Variants in ASTN2 observed in about 807,000 individuals in gnomAD.
ASTN2 encodes astrotactin-2.
A neutral mutation model predicts 139.8 loss-of-function variants in ASTN2; 54 were observed. The ratio of observed to expected loss-of-function variants is 0.39; its 90% CI spans 0.31 to 0.48. The LOEUF is 0.48. ASTN2 is among the 20% of genes least tolerant of loss of function. The pLI is 0.95. For missense variants in ASTN2, 1,565 were observed against 1,725.1 expected (o/e 0.91, Z 1.64); for synonymous variants, 756 against 719.5 (o/e 1.05, Z -0.81).
At chr9:117,238,860 T>A (rs1833124222) in intron 2 of ASTN2, among the ~76,000 whole-genome samples, 1 of 152,186 alleles carries the variant, frequency 6.6e-6, no homozygotes, top group African/African-American at 2.4e-5. Context: ...AGTTGCAAGG[T>A]ATCACCCTGC....
chr9:116,609,520 T>C lies in ASTN2; in HGVS notation c.3355+8804A>G, dbSNP rs181367567. ...AAAAATCTGTCAATTTAAAATTTCA[T>C]GCACAGCAATAATATCTTACAAAAA... On this transcript the variant is annotated intron_variant, in intron 19 of 22. Coordinates refer to ENST00000313400, the MANE Select transcript of ASTN2 (RefSeq NM_001365068.1). 6.0e-3 allele frequency among the ~76,000 whole-genome samples: 911 copies of C among 151,488 alleles called. 14 individuals carry two copies. Among genetic ancestry groups the C allele is most frequent in the African/African-American group, 0.021 (881 of 41,384 alleles).
intron 11 of ASTN2, among the ~76,000 whole-genome samples, chr9:116,862,539 T>A (rs902847216): frequency 6.6e-6 from 1 of 152,196 alleles, no homozygotes; most frequent in Non-Finnish European, 1.5e-5. Context: ...TTCACTTGTT[T>A]GCTTCATAGA....
rs1831266564 is a variant in ASTN2 at position 117,414,444 on chromosome 9, C to T, written c.442+53G>A. ...GGGCGCCCCCACCCGTCCGGCATGA[C>T]GCAGGGGCTCGGGGTTCCTTGGGAT... is the stretch of plus-strand genomic sequence containing the variant. On this transcript the variant is annotated intron_variant, in intron 1 of 22. Transcript: ENST00000313400. The surrounding 1 kb of genome is among the most constrained non-coding windows in gnomAD (Gnocchi z 4.2). 6.3e-7 allele frequency: 1 copy of T among 1,597,718 alleles called. No homozygotes were observed. Among genetic ancestry groups the T allele is most frequent in the Non-Finnish European group, 8.5e-7 (1 of 1,172,408 alleles).
chr9:116,563,382 T>C (rs923146159), intron 19 of ASTN2, among the ~76,000 whole-genome samples: 9 of 147,624 alleles, frequency 6.1e-5, no homozygotes, highest in Admixed American at 1.3e-4. Context: ...CTCAAAAAAA[T>C]AAAAATAAAA....
At chr9:116,920,083 T>C (rs1419418844) in intron 10 of ASTN2, among the ~76,000 whole-genome samples, 8 of 152,218 alleles carry the variant, frequency 5.3e-5, no homozygotes, top group Admixed American at 1.3e-4. Context: ...GCTGCCTCCT[T>C]GGTATTCTGT....
intron 10 of ASTN2, among the ~76,000 whole-genome samples, chr9:116,933,530 T>G (rs187650024): frequency 3.9e-5 from 6 of 152,038 alleles, no homozygotes; most frequent in African/African-American, 1.4e-4. Flanking sequence ...GGAATTAAAC[T>G]ACAGCATTCA....
intron 11 of ASTN2, among the ~76,000 whole-genome samples, chr9:116,826,900 A>C (rs1831644346): frequency 6.6e-6 from 1 of 152,258 alleles, no homozygotes; most frequent in Non-Finnish European, 1.5e-5. Context: ...ATGAAAACAC[A>C]GTATCTCAAC....
intron 16 of ASTN2, among the ~76,000 whole-genome samples, chr9:116,666,177 T>C (rs1056166064): frequency 2.0e-5 from 3 of 152,186 alleles, no homozygotes; most frequent in African/African-American, 7.2e-5. Context: ...TGATAGGTAC[T>C]GAACTTACTG....
At chr9:117,385,870 C>T (rs1195837266) in intron 1 of ASTN2, among the ~76,000 whole-genome samples, 2 of 152,154 alleles carry the variant, frequency 1.3e-5, no homozygotes, top group Non-Finnish European at 2.9e-5. Context: ...AGTTATATTT[C>T]ATGATCAAAA....
At chr9:116,540,051 G>T (rs1341175280) in intron 19 of ASTN2, among the ~76,000 whole-genome samples, 1 of 152,174 alleles carries the variant, frequency 6.6e-6, no homozygotes, top group Non-Finnish European at 1.5e-5. Context: ...ATCTTGATGT[G>T]ATAAAATATA....
At chr9:116,755,418 T>C (rs1829508544) in intron 13 of ASTN2, among the ~76,000 whole-genome samples, 1 of 152,064 alleles carries the variant, frequency 6.6e-6, no homozygotes, top group East Asian at 1.9e-4. Flanking sequence ...CTGGTGTCCT[T>C]TTAAGAAGAG....
At chr9:116,816,321 A>C (rs1054094012) in intron 12 of ASTN2, among the ~76,000 whole-genome samples, 2 of 152,188 alleles carry the variant, frequency 1.3e-5, no homozygotes, top group Non-Finnish European at 2.9e-5. Flanking sequence ...CTAAGGATTT[A>C]TTCTACAGGC....
chr9:116,993,096 C>A (rs1836904421), intron 7 of ASTN2, among the ~76,000 whole-genome samples: 1 of 152,172 alleles, frequency 6.6e-6, no homozygotes, highest in Admixed American at 6.5e-5. Flanking sequence ...TCTGCTCAGA[C>A]TTCTCCAGTG....
chr9:117,414,851 G>GCGGCGGCCCCGGGTGGAAGCAGAGCCT lies in ASTN2; in HGVS notation c.61_87dup (p.Arg21_Pro29dup), dbSNP rs1242663004. 3 of 1,126,848 alleles carry GCGGCGGCCCCGGGTGGAAGCAGAGCCT rather than the reference G, an allele frequency of 2.7e-6. No individual in the cohort carries two copies. The highest frequency in any genetic ancestry group is 3.3e-6 in the Non-Finnish European group (3 of 910,462). The allele number at this position is 1,126,848 out of a possible 1,614,324, so 69.8% of individuals were successfully genotyped here. A position where few individuals can be genotyped will look rare whatever the true frequency, so the allele number is the denominator to read the frequency against. ...AACAGCAGCAGCAGCGGCAGCAGTG[G>GCGGCGGCCCCGGGTGGAAGCAGAGCCT]CGGCGGCCCCGGGTGGAAGCAGAGC... is the stretch of plus-strand genomic sequence containing the variant. On this transcript the variant is annotated inframe_insertion, in exon 1 of 23. Transcript: ENST00000313400. The surrounding 1 kb of genome is among the most constrained non-coding windows in gnomAD (Gnocchi z 4.2).
intron 12 of ASTN2, among the ~76,000 whole-genome samples, chr9:116,810,683 G>C (rs528807282): frequency 6.6e-6 from 1 of 152,206 alleles, no homozygotes; most frequent in African/African-American, 2.4e-5. Context: ...GCATATATTT[G>C]CTCAGTTTGG....
chr9:116,696,306 C>T (rs928735215), intron 16 of ASTN2, among the ~76,000 whole-genome samples: 6 of 152,146 alleles, frequency 3.9e-5, no homozygotes, highest in Non-Finnish European at 7.3e-5. Context: ...TCATTAAAGG[C>T]TTTTTTGGTG....
intron 13 of ASTN2, among the ~76,000 whole-genome samples, chr9:116,796,358 G>A (rs867902203): frequency 9.9e-5 from 15 of 152,068 alleles, no homozygotes; most frequent in Admixed American, 5.2e-4. Context: ...TCGCTTTCCC[G>A]AATCCCTTTT....
chr9:116,686,081 ATCAT>A (rs898997889), intron 16 of ASTN2, among the ~76,000 whole-genome samples: 16 of 152,320 alleles, frequency 1.1e-4, no homozygotes, highest in African/African-American at 1.4e-4. Flanking sequence ...AAATATAGTT[ATCAT>A]TAAGTGCAAA....
At chr9:116,823,891 T>C (rs1413463174) in intron 11 of ASTN2, among the ~76,000 whole-genome samples, 1 of 152,140 alleles carries the variant, frequency 6.6e-6, no homozygotes, top group African/African-American at 2.4e-5. Context: ...TAGGGGCAGA[T>C]GAGATCTAGC....
Sources: gnomAD v4.1 joint callset for allele counts (sites outside exome capture counted in the v4.1 genomes callset) on GRCh38, gnomAD v4.1.1 for gene constraint, Gnocchi (gnomAD v3.1) non-coding constraint, MANE v1.5 for transcripts, NCBI Gene and HGNC (gene_info 2026-07-23, HGNC 2026-07-21) for gene names.